Variants in ELOVL7 observed in about 807,000 individuals in gnomAD.
ELOVL7 encodes ELOVL fatty acid elongase 7, also known as very long chain fatty acid elongase 7.
ELOVL7 carries 27 observed loss-of-function variants against 35.7 expected under a neutral mutation model. The observed-to-expected ratio is 0.76, with a 90% CI of 0.56 to 1.04. ELOVL7 has a LOEUF of 1.04. ELOVL7 is among the 50% of genes least tolerant of loss of function. The pLI is 0.00. For synonymous variants in ELOVL7, 113 were observed against 114.6 expected, an observed-to-expected ratio of 0.99 and a Z score of 0.09; for missense variants, 327 against 340.8, an observed-to-expected ratio of 0.96 and a Z score of 0.32.
intron 7 of ELOVL7, among the ~76,000 whole-genome samples, chr5:60,759,846 T>A (rs531085403): frequency 5.3e-5 from 8 of 151,888 alleles, no homozygotes; most frequent in Non-Finnish European, 1.0e-4. Flanking sequence ...TGTCCATGTG[T>A]TCTCATTGTT....
intron 3 of ELOVL7, chr5:60,783,995 C>A (rs6897450): frequency 0.016 from 10,942 of 678,706 alleles, 271 homozygotes; most frequent in African/African-American, 0.074. Flanking sequence ...ACAGTCTATA[C>A]CCCAATGATT....
intron 1 of ELOVL7, among the ~76,000 whole-genome samples, chr5:60,842,304 G>A (rs546677728): frequency 6.6e-6 from 1 of 152,132 alleles, no homozygotes; most frequent in East Asian, 1.9e-4. Context: ...CCAGGATAAT[G>A]GCAGGACCCT....
At chr5:60,800,613 T>C (rs1197881105) in intron 1 of ELOVL7, among the ~76,000 whole-genome samples, 1 of 152,222 alleles carries the variant, frequency 6.6e-6, no homozygotes, top group East Asian at 1.9e-4. Context: ...AATAGAAATT[T>C]ATTTCTCACA....
chr5:60,766,187 AAAAC>A (rs941131822), intron 6 of ELOVL7, among the ~76,000 whole-genome samples: 17 of 152,352 alleles, frequency 1.1e-4, no homozygotes, highest in African/African-American at 2.9e-4. Context: ...TTGGGATAAA[AAAAC>A]AAACAAACAA....
At chr5:60,792,902 A>T (rs1744023697) in intron 2 of ELOVL7, among the ~76,000 whole-genome samples, 1 of 152,192 alleles carries the variant, frequency 6.6e-6, no homozygotes, top group South Asian at 2.1e-4. Flanking sequence ...AAGACTAAAA[A>T]TGATCTACAA....
rs143966684 is a variant in ELOVL7, at chr5:60,829,969, G to A, written c.-86+14191C>T. Among the ~76,000 whole-genome samples, 547 of 152,148 alleles carry A rather than the reference G, an allele frequency of 3.6e-3. 4 individuals are homozygous for A. Among genetic ancestry groups the A allele is most frequent in the Non-Finnish European group, 6.4e-3 (436 of 67,990 alleles). On this transcript the variant is annotated intron_variant, in intron 1 of 8. Transcript: ENST00000508821. ...AGAGGAAACATTTACTGTAATTTTG[G>A]CTCTTTGCCTCCTACATCATCTGCT...
Position 60,752,133 on chromosome 5 carries a change from A to G in ELOVL7, c.*2491T>C, listed in dbSNP as rs554816397. 1.3e-5 allele frequency: 2 copies of G among 152,332 alleles called. No individual in the cohort carries two copies. The highest frequency in any genetic ancestry group is 4.8e-5 in the African/African-American group (2 of 41,576). The allele number at this position is 152,332 out of a possible 1,614,324, so 9.4% of individuals were successfully genotyped here. A position where few individuals can be genotyped will look rare whatever the true frequency, so the allele number is the denominator to read the frequency against. Reference sequence around the variant, plus strand: ...GTCCTGAAAAGTGGGATGAAATCCCAAAGGAACTCTATGTGACCACACAGA... The same window carrying G: ...GTCCTGAAAAGTGGGATGAAATCCCGAAGGAACTCTATGTGACCACACAGA... On this transcript the variant is annotated 3_prime_UTR_variant, in exon 9 of 9. Transcript: ENST00000508821.
At chr5:60,811,728 GTAGAGAGCACCA>G (rs1745246525) in intron 1 of ELOVL7, among the ~76,000 whole-genome samples, 2 of 152,108 alleles carry the variant, frequency 1.3e-5, no homozygotes, top group South Asian at 4.1e-4. Flanking sequence ...TCAGGACTTT[GTAGAGAGCACCA>G]CCAGCAAGAA....
intron 2 of ELOVL7, among the ~76,000 whole-genome samples, chr5:60,789,474 T>C (rs1230262477): frequency 1.3e-5 from 2 of 152,222 alleles, no homozygotes; most frequent in Admixed American, 6.5e-5. Flanking sequence ...TTAACTGTGT[T>C]GGCAGGAGTG....
At chr5:60,790,093 C>T (rs892712955) in intron 2 of ELOVL7, among the ~76,000 whole-genome samples, 2 of 151,904 alleles carry the variant, frequency 1.3e-5, no homozygotes, top group African/African-American at 2.4e-5. Context: ...GCCAAGATTG[C>T]GCCATTGCAC....
chr5:60,793,907 C>A lies in ELOVL7; in HGVS notation c.-35+5273G>T, dbSNP rs76860298. Among the ~76,000 whole-genome samples the A allele has an allele frequency of 5.0e-3, 765 of 152,272 alleles. 10 individuals carry two copies. Among genetic ancestry groups the A allele is most frequent in the African/African-American group, 0.018 (738 of 41,548 alleles). The stretch of plus-strand genomic sequence containing the variant: ...TGAGAGGTTGAGAAGAAGGTAATCA[C>A]AAGAAAGCAGTGGCCCAGAATTTGG... On this transcript the variant is annotated intron_variant, in intron 2 of 8. Coordinates refer to ENST00000508821, the MANE Select transcript of ELOVL7 (RefSeq NM_024930.3).
rs1230364590 is a variant in ELOVL7 at position 60,754,618 on chromosome 5, T to TG, written c.*5dup. 1 of 1,613,118 alleles carries TG rather than the reference T, an allele frequency of 6.2e-7. No individual in the cohort carries two copies. Among genetic ancestry groups the TG allele is most frequent in the African/African-American group, 1.3e-5 (1 of 74,932 alleles). On this transcript the variant is annotated 3_prime_UTR_variant, in exon 9 of 9. Transcript: ENST00000508821. ...ATCAGTTTCGATCATAGACTTATGT[T>TG]GGGCTTCAATTATCTTTGTTTTTGC...
intron 3 of ELOVL7, among the ~76,000 whole-genome samples, chr5:60,778,184 T>G (rs928999140): frequency 1.3e-5 from 2 of 152,148 alleles, no homozygotes; most frequent in Non-Finnish European, 2.9e-5. Flanking sequence ...TTTGTGCAAT[T>G]AAAACCACCA....
At chr5:60,802,224 A>G (rs1468349203) in intron 1 of ELOVL7, among the ~76,000 whole-genome samples, 2 of 151,416 alleles carry the variant, frequency 1.3e-5, no homozygotes, top group African/African-American at 2.4e-5. Context: ...TACTTTAGGT[A>G]TGGGATTGGG....
intron 1 of ELOVL7, among the ~76,000 whole-genome samples, chr5:60,841,984 A>G (rs1325939070): frequency 2.0e-5 from 3 of 152,194 alleles, no homozygotes; most frequent in Admixed American, 1.3e-4. Flanking sequence ...AAAAATTTCC[A>G]TCATCAAACC....
rs751285375 is a variant in ELOVL7, at chr5:60,772,032, T to A, written c.126A>T (p.Gly42=). 1.2e-6 allele frequency: 2 copies of A among 1,613,626 alleles called. No individual in the cohort carries two copies. The highest frequency in any genetic ancestry group is 4.5e-5 in the East Asian group (2 of 44,828). Residue 42 remains glycine (G), a synonymous_variant, in exon 4 of 9, where the codon GGA becomes GGT. Coordinates refer to ENST00000508821, the MANE Select transcript of ELOVL7 (RefSeq NM_024930.3). The part of the protein sequence containing the change: ...SSPLPQTILL[G]FYVYFVTSLG... ...AGGAAGTGACAAAATAGACATAGAA[T>A]CCTAGGAGGATGGTTTGTGGCAGAG...
intron 1 of ELOVL7, among the ~76,000 whole-genome samples, chr5:60,800,084 C>T (rs910183106): frequency 1.4e-5 from 2 of 144,738 alleles, no homozygotes; most frequent in Admixed American, 6.9e-5. Flanking sequence ...TTCTCAAACT[C>T]TTCGAAAAAA....
chr5:60,754,734 T>C lies in ELOVL7; in HGVS notation c.736A>G (p.Ser246Gly), dbSNP rs781379671. 8 of 1,614,152 alleles carry C rather than the reference T, an allele frequency of 5.0e-6. No individual in the cohort carries two copies. In the South Asian group the frequency reaches 5.5e-5, roughly 11 times the overall value. The stretch of plus-strand genomic sequence containing the variant: ...AGAAAGAGCAGCAGAAACATGAAAC[T>C]GTAACTCATAATGATGCACGCAAAG... The part of the protein sequence containing the change: ...PVFACIIMSY[S>G]FMFLLLFLHF... The change falls in exon 9 of 9, where the codon AGT becomes GGT. Residue 246 changes from serine (S) to glycine (G), a missense_variant. Physicochemically the swap from Ser to Gly is moderately conservative, Grantham distance 56. Coordinates refer to ENST00000508821, the MANE Select transcript of ELOVL7 (RefSeq NM_024930.3).
chr5:60,814,413 A>G (rs1208257888), intron 1 of ELOVL7, among the ~76,000 whole-genome samples: 1 of 152,164 alleles, frequency 6.6e-6, no homozygotes, highest in Non-Finnish European at 1.5e-5. Context: ...GATCTGACCC[A>G]GCATACCACA....
Sources: gnomAD v4.1 joint callset for allele counts (sites outside exome capture counted in the v4.1 genomes callset) on GRCh38, gnomAD v4.1.1 for gene constraint, MANE v1.5 for transcripts, NCBI Gene and HGNC (gene_info 2026-07-23, HGNC 2026-07-21) for gene names.